Variants in GRIN3A observed in about 807,000 individuals in gnomAD.
The protein encoded by GRIN3A is glutamate receptor ionotropic, NMDA 3A.
A neutral mutation model predicts 92.4 loss-of-function variants in GRIN3A; 47 were observed. The ratio of observed to expected loss-of-function variants is 0.51; its 90% CI spans 0.40 to 0.65. The LOEUF is 0.65. Among genes scored for constraint, GRIN3A ranks in the 30% least tolerant of loss-of-function variants. The probability of loss-of-function intolerance (pLI) is 0.00; values close to 1 mark genes in which losing one functional copy is unlikely to be tolerated. For synonymous variants in GRIN3A, 527 were observed against 540.6 expected (o/e 0.97, Z 0.35); for missense variants, 1,324 against 1,393.1 (o/e 0.95, Z 0.79).
In GRIN3A at chr9:101,670,444, T is replaced by C; in HGVS notation, c.1968A>G (p.Leu656=). The C allele has an allele frequency of 6.2e-7, 1 of 1,613,952 alleles. No individual in the cohort carries two copies. The highest frequency in any genetic ancestry group is 8.5e-7 in the Non-Finnish European group (1 of 1,179,950). The change falls in exon 3 of 9, where the codon TTA becomes TTG. Residue 656 remains leucine, a synonymous_variant. Coordinates refer to ENST00000361820, the MANE Select transcript of GRIN3A (RefSeq NM_133445.3). ...SPFFSTSLGI[L]VRTRDTAAPI... ...GAGCTGCTGTATCTCGGGTCCTCAC[T>C]AAGATGCCCAAGCTGGTGGAGAAGA...
rs577897416 is a variant in GRIN3A at position 101,650,035 on chromosome 9, G to A, written c.2352+20025C>T. On this transcript the variant is annotated intron_variant, in intron 3 of 8. Coordinates refer to ENST00000361820, the MANE Select transcript of GRIN3A (RefSeq NM_133445.3). The stretch of plus-strand genomic sequence containing the variant: ...TGTGGCTAGCTGATGTGCAAACCAC[G>A]AACAGAGTAACACCATTCTTTCAGA... Among the ~76,000 whole-genome samples, 7 of 152,164 alleles carry A rather than the reference G, an allele frequency of 4.6e-5. No individual in the cohort carries two copies. In the South Asian group the frequency reaches 6.2e-4, roughly 13 times the overall value.
intron 1 of GRIN3A, among the ~76,000 whole-genome samples, chr9:101,719,113 TG>T (rs1334877379): frequency 4.6e-5 from 7 of 152,110 alleles, no homozygotes; most frequent in Non-Finnish European, 1.0e-4. Flanking sequence ...TGACAGAAGC[TG>T]GGACAAGAGA....
chr9:101,617,633 G>T (rs571741094), intron 5 of GRIN3A, among the ~76,000 whole-genome samples: 3,801 of 142,404 alleles, frequency 0.027, 150 homozygotes, highest in African/African-American at 0.099. Context: ...TATTTATTTT[G>T]TGTGTGTGTG....
chr9:101,704,949 C>T (rs913873267), intron 1 of GRIN3A, among the ~76,000 whole-genome samples: 5 of 152,066 alleles, frequency 3.3e-5, no homozygotes, highest in African/African-American at 9.7e-5. Flanking sequence ...GCAAAACAGA[C>T]ATGTTCTCTG....
At chr9:101,602,699 C>G (rs933805456) in intron 6 of GRIN3A, among the ~76,000 whole-genome samples, 2 of 152,160 alleles carry the variant, frequency 1.3e-5, no homozygotes, top group African/African-American at 4.8e-5. Flanking sequence ...AAAGCGGGGA[C>G]TCTTATTCCG....
intron 1 of GRIN3A, among the ~76,000 whole-genome samples, chr9:101,727,488 T>G (rs960827740): frequency 6.6e-6 from 1 of 152,198 alleles, no homozygotes; most frequent in African/African-American, 2.4e-5. Context: ...CTCTTTATCT[T>G]TCCTTATGAA....
chr9:101,614,213 T>C (rs953987777), intron 5 of GRIN3A, among the ~76,000 whole-genome samples: 1 of 152,238 alleles, frequency 6.6e-6, no homozygotes, highest in Non-Finnish European at 1.5e-5. Context: ...TATTATTTTA[T>C]ATGGTTGAAT....
chr9:101,613,605 T>C, intron 5 of GRIN3A, 78 bp from the exon 6 acceptor site: 1 of 1,422,564 alleles, frequency 7.0e-7, no homozygotes, highest in Non-Finnish European at 9.8e-7. Flanking sequence ...ATTTGTGTGA[T>C]ACTGCCATCA....
intron 1 of GRIN3A, among the ~76,000 whole-genome samples, chr9:101,723,589 C>G (rs1830042334): frequency 6.6e-6 from 1 of 152,158 alleles, no homozygotes; most frequent in African/African-American, 2.4e-5. Context: ...TGGCCCCACC[C>G]ATGTCCTGCT....
At chr9:101,620,191 A>G (rs1452707473) in intron 5 of GRIN3A, among the ~76,000 whole-genome samples, 1 of 152,156 alleles carries the variant, frequency 6.6e-6, no homozygotes, top group African/African-American at 2.4e-5. Context: ...ATAGGTCTGG[A>G]GGCTGGGAAG....
intron 6 of GRIN3A, among the ~76,000 whole-genome samples, chr9:101,603,834 C>T (rs1311499136): frequency 2.0e-5 from 3 of 152,228 alleles, no homozygotes; most frequent in African/African-American, 2.4e-5. Flanking sequence ...TACAATTTCA[C>T]GCCTCAGTGT....
chr9:101,681,137 C>T (rs1829460431), intron 2 of GRIN3A, among the ~76,000 whole-genome samples: 1 of 152,116 alleles, frequency 6.6e-6, no homozygotes, highest in African/African-American at 2.4e-5. Context: ...AATCATAATC[C>T]TGGGAACAGC....
rs191907714 is a variant in GRIN3A, at chr9:101,584,202, G to T, written c.2767-4842C>A. Among the ~76,000 whole-genome samples the T allele has an allele frequency of 6.6e-4, 101 of 152,128 alleles. 3 individuals are homozygous for T. The South Asian group carries it at 0.016, about 24-fold the overall frequency. On this transcript the variant is annotated intron_variant, in intron 6 of 8. Coordinates refer to ENST00000361820, the MANE Select transcript of GRIN3A (RefSeq NM_133445.3). Reference sequence around the variant, plus strand: ...ATCTCAGGCATTTATTGCTCCAGTTGGTCCTTCACAAACTTACTCTAGCCC... The same window carrying T: ...ATCTCAGGCATTTATTGCTCCAGTTTGTCCTTCACAAACTTACTCTAGCCC...
At chr9:101,596,248 C>T (rs1244742110) in intron 6 of GRIN3A, among the ~76,000 whole-genome samples, 1 of 152,154 alleles carries the variant, frequency 6.6e-6, no homozygotes, top group Non-Finnish European at 1.5e-5. Flanking sequence ...ATTTTACTTT[C>T]CTCTATAAAC....
intron 1 of GRIN3A, among the ~76,000 whole-genome samples, chr9:101,694,352 A>C (rs1018116081): frequency 1.4e-4 from 21 of 149,280 alleles, no homozygotes; most frequent in African/African-American, 5.2e-4. Context: ...CATGCATATT[A>C]CATTCTTTGA....
intron 3 of GRIN3A, among the ~76,000 whole-genome samples, chr9:101,642,313 C>T (rs1185638443): frequency 1.3e-5 from 2 of 152,100 alleles, no homozygotes; most frequent in Non-Finnish European, 2.9e-5. Context: ...TGGCAGCATA[C>T]ATTAAAACCA....
At chr9:101,580,489 G>A (rs1179925606) in intron 6 of GRIN3A, among the ~76,000 whole-genome samples, 1 of 152,128 alleles carries the variant, frequency 6.6e-6, no homozygotes, top group Non-Finnish European at 1.5e-5. Context: ...AGGAAAGAAC[G>A]TCCCTCAGGG....
intron 6 of GRIN3A, among the ~76,000 whole-genome samples, chr9:101,588,410 C>T (rs962304265): frequency 8.5e-5 from 13 of 152,142 alleles, no homozygotes; most frequent in Non-Finnish European, 1.6e-4. Flanking sequence ...TGCTTAGTGG[C>T]TCATCAACAT....
intron 1 of GRIN3A, among the ~76,000 whole-genome samples, chr9:101,688,972 G>T (rs1564145056): frequency 6.6e-6 from 1 of 152,204 alleles, no homozygotes; most frequent in East Asian, 1.9e-4. Flanking sequence ...CCAATAGGTA[G>T]CTCTGGGTGT....
Sources: gnomAD v4.1 joint callset for allele counts (sites outside exome capture counted in the v4.1 genomes callset) on GRCh38, gnomAD v4.1.1 for gene constraint, MANE v1.5 for transcripts, NCBI Gene and HGNC (gene_info 2026-07-23, HGNC 2026-07-21) for gene names.